COQ8A: variants seen among roughly 807,000 people sequenced by gnomAD.
COQ8A encodes atypical kinase COQ8A, mitochondrial.
COQ8A carries 51 observed loss-of-function variants against 65.0 expected under a neutral mutation model. The ratio of observed to expected loss-of-function variants is 0.78; its 90% CI spans 0.63 to 0.99. The LOEUF (loss-of-function observed/expected upper bound fraction) is 0.99. Ranked by LOEUF, COQ8A falls within the 50% of genes least tolerant of loss-of-function variation. COQ8A has a pLI of 0.00. For missense variants in COQ8A, 940 were observed against 875.0 expected (o/e 1.07, Z -0.94); for synonymous variants, 371 against 353.2 (o/e 1.05, Z -0.57).
chr1:226,950,903 C>T (rs1057245330), intron 1 of COQ8A, among the ~76,000 whole-genome samples: 1 of 151,812 alleles, frequency 6.6e-6, no homozygotes, highest in African/African-American at 2.4e-5. Context: ...TTCAAGGGAA[C>T]TTGAAGTCCT....
intron 6 of COQ8A, 60 bp downstream of exon 6, chr1:226,982,209 C>T: frequency 6.5e-7 from 1 of 1,537,410 alleles, no homozygotes; most frequent in South Asian, 1.2e-5. Flanking sequence ...GGGTCAACTT[C>T]CAGGGCCGGG....
intron 4 of COQ8A, among the ~76,000 whole-genome samples, chr1:226,975,813 G>A (rs1009512178): frequency 6.6e-6 from 1 of 152,212 alleles, no homozygotes; most frequent in African/African-American, 2.4e-5. Flanking sequence ...TGTTGCCCAG[G>A]TGTGGGTAAA....
At chr1:226,968,364 A>G (rs1448797926) in intron 4 of COQ8A, among the ~76,000 whole-genome samples, 2 of 152,210 alleles carry the variant, frequency 1.3e-5, no homozygotes, top group Non-Finnish European at 2.9e-5. Context: ...ATGGAATTCA[A>G]TAGAAAAGAT....
Position 226,982,880 on chromosome 1 carries a change from G to GCC in COQ8A, c.940-12_940-11dup. 1 of 1,612,726 alleles carries GCC rather than the reference G, an allele frequency of 6.2e-7. No individual in the cohort carries two copies. Among genetic ancestry groups the GCC allele is most frequent in the Non-Finnish European group, 8.5e-7 (1 of 1,179,868 alleles). ...AGGGCATGCTCAGAGCCCCTCCCTGGCCCTGCCCTTCAGAAAACTCTCAAC... is the reference window on the plus strand; with the variant it reads ...AGGGCATGCTCAGAGCCCCTCCCTGGCCCCCTGCCCTTCAGAAAACTCTCAAC... On this transcript the variant is annotated splice_polypyrimidine_tract_variant and intron_variant, in intron 7 of 14. Coordinates refer to ENST00000366777, the MANE Select transcript of COQ8A (RefSeq NM_020247.5).
At chr1:226,960,389 T>G (rs184130866) in intron 1 of COQ8A, among the ~76,000 whole-genome samples, 69 of 970 alleles carry the variant, frequency 0.071, 22 homozygotes, top group African/African-American at 0.16. Flanking sequence ...CTTGGTGGTG[T>G]CAGTGGTGGT....
intron 9 of COQ8A, 59 bp from the exon 10 acceptor site, chr1:226,983,702 C>G: frequency 6.2e-7 from 1 of 1,612,150 alleles, no homozygotes; most frequent in Non-Finnish European, 8.5e-7. Flanking sequence ...TTCTGGGGAC[C>G]AGAGGGGGTC....
At chr1:226,986,371 G>A (rs1166838968) in intron 14 of COQ8A, 82 bp from the exon 15 acceptor site, 44 of 1,481,040 alleles carry the variant, frequency 3.0e-5, no homozygotes, top group Middle Eastern at 1.8e-4. Flanking sequence ...AGAACTCAGC[G>A]CCCCGGGCAC....
At chr1:226,984,043 G>GC (rs1344970279) in intron 10 of COQ8A, 51 bp from the exon 11 acceptor site, 1 of 1,448,058 alleles carries the variant, frequency 6.9e-7, no homozygotes, top group Non-Finnish European at 9.6e-7. Flanking sequence ...GTGGGGGGGG[G>GC]GACGGTGTGG....
chr1:226,951,651 A>G (rs1282460915), intron 1 of COQ8A, among the ~76,000 whole-genome samples: 1 of 151,956 alleles, frequency 6.6e-6, no homozygotes, highest in Non-Finnish European at 1.5e-5. Context: ...GACCTTCCAA[A>G]TTTCCTGGGA....
chr1:226,951,485 C>T (rs777860630), intron 1 of COQ8A, among the ~76,000 whole-genome samples: 7 of 152,148 alleles, frequency 4.6e-5, no homozygotes, highest in Non-Finnish European at 8.8e-5. Flanking sequence ...TACCAGGTGG[C>T]TTGCCTTTCT....
chr1:226,986,777 C>CT lies in COQ8A; in HGVS notation c.*41dup, dbSNP rs1558212277. ...CCCAGGCCGGCTCCGCGGGAACTCT[C>CT]TCCCTCAGACAGGCCAAAAACCAGT... On this transcript the variant is annotated 3_prime_UTR_variant, in exon 15 of 15. Transcript: ENST00000366777. 1 of 1,598,458 alleles carries CT rather than the reference C, an allele frequency of 6.3e-7. No individual in the cohort carries two copies. The highest frequency in any genetic ancestry group is 1.7e-5 in the Admixed American group (1 of 58,602).
chr1:226,952,668 T>A (rs1211095293), intron 1 of COQ8A, among the ~76,000 whole-genome samples: 1 of 152,242 alleles, frequency 6.6e-6, no homozygotes, highest in Non-Finnish European at 1.5e-5. Flanking sequence ...CACCTTGGCC[T>A]TCCAAAGTGC....
chr1:226,971,084 G>A (rs1288752960), intron 4 of COQ8A, among the ~76,000 whole-genome samples: 3 of 151,890 alleles, frequency 2.0e-5, no homozygotes, highest in African/African-American at 7.2e-5. Context: ...GGGATTACAG[G>A]TGCATGCCAC....
At position 226,961,408 on chromosome 1, in the gene COQ8A, C is replaced by T; in HGVS notation, c.23C>T (p.Thr8Ile). 6.2e-7 allele frequency: 1 copy of T among 1,613,808 alleles called. No homozygotes were observed. Among genetic ancestry groups the T allele is most frequent in the African/African-American group, 1.3e-5 (1 of 75,064 alleles). The change falls in exon 2 of 15, where the codon ACC (threonine) becomes ATC (isoleucine). Residue 8 changes from threonine to isoleucine, a missense_variant. Transcript: ENST00000366777. MAAILGD[T>I]IMVAKGLVKL... The stretch of plus-strand genomic sequence containing the variant: ...AGGATGGCTGCCATATTGGGAGACA[C>T]CATCATGGTGGCTAAAGGCCTTGTC...
chr1:226,951,698 C>T (rs558584686), intron 1 of COQ8A, among the ~76,000 whole-genome samples: 2 of 151,694 alleles, frequency 1.3e-5, no homozygotes, highest in South Asian at 4.2e-4. Context: ...GAATATGAGT[C>T]GACAAATAGT....
At chr1:226,976,368 C>T (rs1361565907) in intron 4 of COQ8A, among the ~76,000 whole-genome samples, 1 of 128,572 alleles carries the variant, frequency 7.8e-6, no homozygotes, top group East Asian at 2.5e-4. Context: ...GCGATGTTGC[C>T]TGGCTGCGGG....
At chr1:226,977,015 G>T (rs3806262) in intron 4 of COQ8A, among the ~76,000 whole-genome samples, 137,035 of 152,168 alleles carry the variant, frequency 0.9, 61,772 homozygotes, top group African/African-American at 0.91. Context: ...TCTAGGTGAT[G>T]GGAGGCTCTT....
At chr1:226,958,735 GC>G (rs1273683742) in intron 1 of COQ8A, among the ~76,000 whole-genome samples, 8 of 152,296 alleles carry the variant, frequency 5.3e-5, no homozygotes, top group African/African-American at 1.9e-4. Context: ...TCTTTTGGCT[GC>G]CCCTCCTCAG....
Position 226,961,551 on chromosome 1 carries a change from G to A in COQ8A, c.166G>A (p.Gly56Arg). ...TGTGGAGCAGATTGGCATGTTCTTG[G>A]GGAAGGTGCAGGTAAGGGGGCCTGG... ...TAVEQIGMFL[G>R]KVQGQDKHEE... The change falls in exon 2 of 15, where the codon GGG becomes AGG. Residue 56 changes from glycine (G) to arginine (R), a missense_variant. By Grantham distance (125) the Gly-to-Arg change is moderately radical (BLOSUM62 -2). Coordinates refer to ENST00000366777, the MANE Select transcript of COQ8A (RefSeq NM_020247.5). The A allele has an allele frequency of 6.2e-7, 1 of 1,612,246 alleles. No homozygotes were observed. Among genetic ancestry groups the A allele is most frequent in the Non-Finnish European group, 8.5e-7 (1 of 1,178,640 alleles).
Sources: gnomAD v4.1 joint callset for allele counts (sites outside exome capture counted in the v4.1 genomes callset) on GRCh38, gnomAD v4.1.1 for gene constraint, MANE v1.5 for transcripts, NCBI Gene and HGNC (gene_info 2026-07-23, HGNC 2026-07-21) for gene names.